Variants in GRID2 observed in about 807,000 individuals in gnomAD.
GRID2 encodes the protein glutamate receptor ionotropic, delta-2.
Under a neutral mutation model 114.8 loss-of-function variants are expected in GRID2, and 33 were observed. The observed-to-expected ratio is 0.29, with a 90% confidence interval of 0.22 to 0.38. The LOEUF (loss-of-function observed/expected upper bound fraction) is 0.38. Ranked by LOEUF, GRID2 falls within the 10% of genes least tolerant of loss-of-function variation. The probability of loss-of-function intolerance (pLI) is 1.00; values close to 1 mark genes in which losing one functional copy is unlikely to be tolerated. For missense variants in GRID2, 1,184 were observed against 1,257.7 expected, an observed-to-expected ratio of 0.94 and a Z score of 0.89; for synonymous variants, 505 against 449.9, an observed-to-expected ratio of 1.12 and a Z score of -1.55.
At chr4:93,590,460 T>C (rs1738112748) in intron 13 of GRID2, among the ~76,000 whole-genome samples, 1 of 149,870 alleles carries the variant, frequency 6.7e-6, no homozygotes, top group African/African-American at 2.4e-5. Context: ...TACTGTAGCC[T>C]TGTAGTATAG....
chr4:92,827,713 C>T (rs1051619563), intron 2 of GRID2, among the ~76,000 whole-genome samples: 2 of 151,460 alleles, frequency 1.3e-5, no homozygotes, highest in African/African-American at 2.4e-5. Flanking sequence ...AAATGCTCAA[C>T]GAATAAAAAA....
chr4:93,603,490 C>T (rs888862899), intron 13 of GRID2, among the ~76,000 whole-genome samples: 2 of 152,202 alleles, frequency 1.3e-5, no homozygotes, highest in Admixed American at 6.5e-5. Context: ...AATGAAGCAA[C>T]AGATGCTGAT....
At position 92,585,562 on chromosome 4, in the gene GRID2, G is replaced by C. The variant is rs188778013; in HGVS notation, c.89-4569G>C. On this transcript the variant is annotated intron_variant, in intron 1 of 15. Transcript: ENST00000282020. The stretch of plus-strand genomic sequence containing the variant: ...TGTTGATGCTTGGTTTCAATATTTA[G>C]AGTCTTTTATTTTAAACACAACTTG... 1.4e-4 allele frequency among the ~76,000 whole-genome samples: 22 copies of C among 152,020 alleles called. 1 individual carries two copies. The South Asian group carries it at 4.4e-3, about 30-fold the overall frequency.
At chr4:92,844,854 G>T (rs920409079) in intron 2 of GRID2, among the ~76,000 whole-genome samples, 1 of 152,150 alleles carries the variant, frequency 6.6e-6, no homozygotes, top group Non-Finnish European at 1.5e-5. Flanking sequence ...CTATTCTCAA[G>T]GGTTAATGCT....
At chr4:93,163,419 A>G (rs1258924272) in intron 4 of GRID2, among the ~76,000 whole-genome samples, 1 of 133,814 alleles carries the variant, frequency 7.5e-6, no homozygotes, top group Non-Finnish European at 1.5e-5. Flanking sequence ...ATATACATAC[A>G]TGTATATTTT....
intron 2 of GRID2, among the ~76,000 whole-genome samples, chr4:92,902,161 T>A (rs932315258): frequency 2.0e-5 from 3 of 152,252 alleles, no homozygotes; most frequent in Non-Finnish European, 2.9e-5. Flanking sequence ...TTCTTCCTTC[T>A]ACATGCTTGA....
chr4:92,646,089 A>T (rs1300920092), intron 2 of GRID2, among the ~76,000 whole-genome samples: 2 of 151,494 alleles, frequency 1.3e-5, no homozygotes, highest in Non-Finnish European at 2.9e-5. Flanking sequence ...GTCGTACCAC[A>T]CTCTTGGCAT....
intron 8 of GRID2, among the ~76,000 whole-genome samples, chr4:93,266,524 C>A (rs1750850486): frequency 6.6e-6 from 1 of 152,056 alleles, no homozygotes; most frequent in Middle Eastern, 3.2e-3. Flanking sequence ...CCAAGCTAGA[C>A]CAGCCAATCA....
chr4:93,154,467 A>G (rs768728162), intron 4 of GRID2, among the ~76,000 whole-genome samples: 2 of 152,140 alleles, frequency 1.3e-5, no homozygotes, highest in Non-Finnish European at 2.9e-5. Flanking sequence ...CTGTCACACT[A>G]GTGGTTAAAT....
chr4:93,737,556 C>T (rs772432045), intron 14 of GRID2, among the ~76,000 whole-genome samples: 20 of 151,954 alleles, frequency 1.3e-4, no homozygotes, highest in Non-Finnish European at 2.8e-4. Context: ...AAGACCCTGT[C>T]TCTATAAAAA....
chr4:93,569,670 C>T (rs1267466639), intron 13 of GRID2, among the ~76,000 whole-genome samples: 1 of 152,156 alleles, frequency 6.6e-6, no homozygotes. Context: ...TCCCTACCTC[C>T]GTCTTTACTG....
At chr4:92,743,251 T>C (rs1335661810) in intron 2 of GRID2, among the ~76,000 whole-genome samples, 1 of 152,230 alleles carries the variant, frequency 6.6e-6, no homozygotes. Context: ...CACTGCAGCC[T>C]GGGCAACAGA....
At chr4:92,949,339 T>C (rs1751866426) in intron 2 of GRID2, among the ~76,000 whole-genome samples, 1 of 152,024 alleles carries the variant, frequency 6.6e-6, no homozygotes, top group Non-Finnish European at 1.5e-5. Context: ...ACTTCAAGTT[T>C]TAGGGTACAT....
chr4:93,153,466 T>C (rs1223670769), intron 4 of GRID2, among the ~76,000 whole-genome samples: 1 of 152,052 alleles, frequency 6.6e-6, no homozygotes, highest in Non-Finnish European at 1.5e-5. Context: ...GACTAGCTAG[T>C]CAGAAAGCTT....
intron 2 of GRID2, among the ~76,000 whole-genome samples, chr4:93,064,814 T>G (rs907052779): frequency 1.3e-5 from 2 of 151,930 alleles, no homozygotes; most frequent in Admixed American, 1.3e-4. Flanking sequence ...TTTAATGACA[T>G]TTCATGTTAA....
At chr4:93,085,403 T>G (rs976643851) in intron 3 of GRID2, 124 bp downstream of exon 3, 4 of 762,218 alleles carry the variant, frequency 5.2e-6, no homozygotes, top group Non-Finnish European at 8.6e-6. Context: ...TCTTGTCATA[T>G]TTTTCTTATA....
At chr4:92,953,326 T>C (rs1752159250) in intron 2 of GRID2, among the ~76,000 whole-genome samples, 1 of 152,146 alleles carries the variant, frequency 6.6e-6, no homozygotes, top group African/African-American at 2.4e-5. Flanking sequence ...CTAGAGTTTG[T>C]TTTCATTATA....
At chr4:93,332,444 T>G (rs1338092019) in intron 8 of GRID2, among the ~76,000 whole-genome samples, 3 of 144,990 alleles carry the variant, frequency 2.1e-5, no homozygotes, top group African/African-American at 8.5e-5. Context: ...AAATTGCTCT[T>G]CTTTTTTCCA....
chr4:93,725,079 A>G (rs991970550), intron 14 of GRID2, among the ~76,000 whole-genome samples: 8 of 152,050 alleles, frequency 5.3e-5, no homozygotes, highest in African/African-American at 1.9e-4. Flanking sequence ...GGTGTGCTGC[A>G]CCCATTAACT....
Sources: allele counts gnomAD v4.1 joint callset (sites outside exome capture counted in the v4.1 genomes callset), GRCh38; gene constraint gnomAD v4.1.1; transcripts MANE v1.5; gene names NCBI Gene and HGNC (gene_info 2026-07-23, HGNC 2026-07-21).